DNAH6: variants seen among roughly 807,000 people sequenced by gnomAD.
DNAH6 encodes dynein axonemal heavy chain 6.
DNAH6 carries 340 observed loss-of-function variants against 491.4 expected under a neutral mutation model. That is an observed-to-expected ratio of 0.69 (90% CI 0.63 to 0.76). The LOEUF (loss-of-function observed/expected upper bound fraction) is 0.76, where lower values mean the gene tolerates loss of function less well. Among genes scored for constraint, DNAH6 ranks in the 30% least tolerant of loss-of-function variants. The pLI is 0.00. For missense variants in DNAH6, 4,443 were observed against 4,972.2 expected (o/e 0.89, Z 3.20); for synonymous variants, 1,603 against 1,686.1 (o/e 0.95, Z 1.21).
At chr2:84,689,985 T>C (rs1694685356) in intron 45 of DNAH6, among the ~76,000 whole-genome samples, 1 of 152,240 alleles carries the variant, frequency 6.6e-6, no homozygotes, top group African/African-American at 2.4e-5. Flanking sequence ...ATCTTTCTTA[T>C]TGCGTGTTGG....
intron 45 of DNAH6, among the ~76,000 whole-genome samples, chr2:84,693,943 A>G (rs1028982679): frequency 2.0e-5 from 3 of 152,224 alleles, no homozygotes; most frequent in South Asian, 4.1e-4. Context: ...TGTGGCCTAG[A>G]TCGGCTAGGG....
intron 40 of DNAH6, among the ~76,000 whole-genome samples, chr2:84,674,335 C>A (rs1028655887): frequency 3.3e-5 from 5 of 152,230 alleles, no homozygotes; most frequent in African/African-American, 1.2e-4. Flanking sequence ...AGATTCCTCC[C>A]TGCCCCCATT....
chr2:84,813,051 C>T lies in DNAH6; in HGVS notation c.11926-7C>T. 3 of 1,548,716 alleles carry T rather than the reference C, an allele frequency of 1.9e-6. No individual in the cohort carries two copies. Among genetic ancestry groups the T allele is most frequent in the East Asian group, 2.4e-5 (1 of 40,906 alleles). On this transcript the variant is annotated splice_region_variant and splice_polypyrimidine_tract_variant and intron_variant, in intron 73 of 76. Coordinates refer to ENST00000389394, the MANE Select transcript of DNAH6 (RefSeq NM_001370.2). ...TAACGTTTATTATGAATATGTTTCT[C>T]CTTCAGCTGTGGCTCAAAAGAGGAC...
At chr2:84,777,962 G>T in intron 64 of DNAH6, 1 of 960,594 alleles carries the variant, frequency 1.0e-6, no homozygotes, top group Non-Finnish European at 1.7e-6. Context: ...ACATGCCCAA[G>T]CAGTGATAAT....
In DNAH6 at chr2:84,781,647, G is replaced by A; in HGVS notation, c.10858G>A (p.Asp3620Asn). 2 of 1,551,498 alleles carry A rather than the reference G, an allele frequency of 1.3e-6. No individual in the cohort carries two copies. The highest frequency in any genetic ancestry group is 1.7e-6 in the Non-Finnish European group (2 of 1,146,696). ...AMEELIKTFT[D>N]PDSAIKDTFR... is the part of the protein sequence containing the mutation. Reference sequence around the variant, plus strand: ...GGAAGAGCTCATTAAAACCTTCACAGATCCAGGTATGTTGAGCATATAGCC... The same window carrying A: ...GGAAGAGCTCATTAAAACCTTCACAAATCCAGGTATGTTGAGCATATAGCC... The change falls in exon 65 of 77, where the codon GAT becomes AAT. Residue 3620 changes from aspartate (D) to asparagine (N), a missense_variant. Physicochemically the swap from Asp to Asn is conservative, Grantham distance 23. Transcript: ENST00000389394.
chr2:84,530,330 C>T (rs998086366), intron 4 of DNAH6, among the ~76,000 whole-genome samples: 10 of 152,084 alleles, frequency 6.6e-5, no homozygotes, highest in African/African-American at 2.4e-4. Context: ...CATTGAGAAG[C>T]TGTCATTTGA....
At chr2:84,799,630 C>G (rs1247236427) in intron 70 of DNAH6, among the ~76,000 whole-genome samples, 2 of 152,252 alleles carry the variant, frequency 1.3e-5, no homozygotes, top group Non-Finnish European at 2.9e-5. Context: ...ACAACTCACT[C>G]TAACTTTGGC....
chr2:84,473,482 T>G, the DNAH6 span, among the ~76,000 whole-genome samples: 1 of 152,228 alleles, frequency 6.6e-6, no homozygotes, highest in Admixed American at 6.5e-5. Context: ...AATGGTTGTA[T>G]TGGATTAATT....
intron 14 of DNAH6, among the ~76,000 whole-genome samples, chr2:84,583,411 A>G (rs1319310228): frequency 2.0e-5 from 3 of 152,250 alleles, no homozygotes; most frequent in Admixed American, 6.5e-5. Flanking sequence ...GGAAACATTT[A>G]TAAGAGCTCA....
chr2:84,609,670 T>TATAATAATA (rs35531519), intron 21 of DNAH6, among the ~76,000 whole-genome samples: 2 of 150,472 alleles, frequency 1.3e-5, no homozygotes, highest in Non-Finnish European at 3.0e-5. Context: ...CCATAACAGA[T>TATAATAATA]ATAATAATAA....
At position 84,796,290 on chromosome 2, in the gene DNAH6, A is replaced by T; in HGVS notation, c.11240-16A>T. 6.9e-7 allele frequency: 1 copy of T among 1,447,694 alleles called. No individual in the cohort carries two copies. 89.7% of individuals were successfully genotyped at this position (1,447,694 alleles called of 1,614,324 possible). ...TTAAAAACAGCAATAATTTCAAAAT[A>T]CAAATTTCTTTTCAGGTGAAATTAC... On this transcript the variant is annotated splice_polypyrimidine_tract_variant and intron_variant, in intron 68 of 76. Coordinates refer to ENST00000389394, the MANE Select transcript of DNAH6 (RefSeq NM_001370.2).
intron 70 of DNAH6, among the ~76,000 whole-genome samples, chr2:84,797,891 T>G (rs1678498356): frequency 6.6e-6 from 1 of 152,144 alleles, no homozygotes; most frequent in Non-Finnish European, 1.5e-5. Context: ...CCCCTACATC[T>G]CCAGGCCTTC....
intron 18 of DNAH6, among the ~76,000 whole-genome samples, chr2:84,600,454 T>G (rs1469443189): frequency 6.6e-6 from 1 of 152,154 alleles, no homozygotes; most frequent in African/African-American, 2.4e-5. Context: ...ATCCCAAGAT[T>G]TCATCCATGA....
chr2:84,469,434 G>T, the DNAH6 span, among the ~76,000 whole-genome samples: 2 of 152,120 alleles, frequency 1.3e-5, no homozygotes, highest in African/African-American at 4.8e-5. The surrounding 1 kb of genome is among the most constrained non-coding windows in gnomAD (Gnocchi z 4.0). Flanking sequence ...GCTTAAATTT[G>T]CCCCTAGATG....
At chr2:84,532,069 T>C (rs150865897) in intron 4 of DNAH6, among the ~76,000 whole-genome samples, 67 of 152,272 alleles carry the variant, frequency 4.4e-4, no homozygotes, top group African/African-American at 1.5e-3. Context: ...CTATTTGTGA[T>C]GCTCATTTTC....
At chr2:84,749,782 CA>C (rs368792467) in intron 63 of DNAH6, among the ~76,000 whole-genome samples, 1 of 151,690 alleles carries the variant, frequency 6.6e-6, no homozygotes, top group African/African-American at 2.4e-5. Flanking sequence ...TGCCATGAGT[CA>C]AAAAAAGGAA....
intron 71 of DNAH6, among the ~76,000 whole-genome samples, chr2:84,806,611 T>G (rs2105320250): frequency 9.8e-6 from 1 of 101,934 alleles, no homozygotes; most frequent in Non-Finnish European, 1.8e-5. Flanking sequence ...AGAGCAAGAC[T>G]CAGTCTCAAA....
At chr2:84,592,148 A>C (rs764334144) in intron 16 of DNAH6, among the ~76,000 whole-genome samples, 2 of 152,160 alleles carry the variant, frequency 1.3e-5, no homozygotes, top group Non-Finnish European at 2.9e-5. Flanking sequence ...CAGAGTAAAA[A>C]GGCAACATAC....
intron 62 of DNAH6, among the ~76,000 whole-genome samples, chr2:84,739,035 G>A (rs556019574): frequency 1.3e-5 from 2 of 152,114 alleles, no homozygotes; most frequent in Non-Finnish European, 2.9e-5. Flanking sequence ...TCTGGTGGTG[G>A]AAAATTCCCT....
Sources: allele counts gnomAD v4.1 joint callset (sites outside exome capture counted in the v4.1 genomes callset), GRCh38; gene constraint gnomAD v4.1.1; non-coding constraint Gnocchi (gnomAD v3.1); transcripts MANE v1.5; gene names NCBI Gene and HGNC (gene_info 2026-07-23, HGNC 2026-07-21).